Variants in UNC5C observed in about 807,000 individuals in gnomAD.
UNC5C encodes the protein unc-5 netrin receptor C, also known as netrin receptor UNC5C.
UNC5C carries 47 observed loss-of-function variants against 99.8 expected under a neutral mutation model. The ratio of observed to expected loss-of-function variants is 0.47; its 90% confidence interval spans 0.37 to 0.60. The LOEUF (loss-of-function observed/expected upper bound fraction) is 0.60. UNC5C is among the 20% of genes least tolerant of loss of function. The pLI is 0.00. For synonymous variants in UNC5C, 487 were observed against 452.2 expected (o/e 1.08, Z -0.98); for missense variants, 1,062 against 1,165.9 (o/e 0.91, Z 1.30).
At position 95,200,413 on chromosome 4, in the gene UNC5C, G is replaced by A. The variant is rs539795845; in HGVS notation, c.2136+2318C>T. ...AGGTCTTCAAGCAACTTTGCTTAGG[G>A]GCAGAGCAGCCAGGCTGCAGCCAGT... On this transcript the variant is annotated intron_variant, in intron 12 of 15. Coordinates refer to ENST00000453304, the MANE Select transcript of UNC5C (RefSeq NM_003728.4). Among the ~76,000 whole-genome samples the A allele has an allele frequency of 7.2e-5, 11 of 152,316 alleles. No homozygotes were observed. The South Asian group carries it at 2.1e-3, about 29-fold the overall frequency.
At chr4:95,306,294 C>T (rs569989148) in intron 2 of UNC5C, among the ~76,000 whole-genome samples, 1 of 152,136 alleles carries the variant, frequency 6.6e-6, no homozygotes, top group African/African-American at 2.4e-5. Flanking sequence ...GCTCTGCCTC[C>T]CGGGTTCACA....
chr4:95,375,412 A>C (rs1397823734), intron 1 of UNC5C, among the ~76,000 whole-genome samples: 1 of 152,224 alleles, frequency 6.6e-6, no homozygotes, highest in East Asian at 1.9e-4. Flanking sequence ...ATTTTAAAGG[A>C]GACCATTTTC....
At chr4:95,401,205 C>G (rs1284934535) in intron 1 of UNC5C, among the ~76,000 whole-genome samples, 1 of 152,116 alleles carries the variant, frequency 6.6e-6, no homozygotes, top group Admixed American at 6.5e-5. Flanking sequence ...ATGTGCAATA[C>G]AGGAGGCATA....
rs542963845 is a variant in UNC5C, at chr4:95,324,427, A to T, written c.346+10983T>A. Reference sequence around the variant, plus strand: ...TGGTGAGCTGTATAATCATGCCATTATATATTACAATGTAATAATAATAGA... The same window carrying T: ...TGGTGAGCTGTATAATCATGCCATTTTATATTACAATGTAATAATAATAGA... On this transcript the variant is annotated intron_variant, in intron 2 of 15. Coordinates refer to ENST00000453304, the MANE Select transcript of UNC5C (RefSeq NM_003728.4). 2.0e-5 allele frequency among the ~76,000 whole-genome samples: 3 copies of T among 152,286 alleles called. No homozygotes were observed. The South Asian group carries it at 6.2e-4, about 32-fold the overall frequency.
intron 1 of UNC5C, among the ~76,000 whole-genome samples, chr4:95,345,873 T>C (rs548278062): frequency 1.5e-3 from 235 of 152,068 alleles, no homozygotes; most frequent in Admixed American, 2.7e-3. Context: ...GAGGAAATTA[T>C]AGCTTTAAGT....
chr4:95,166,890 G>A lies in UNC5C; in HGVS notation c.*2344C>T, dbSNP rs1735877608. The stretch of plus-strand genomic sequence containing the variant: ...ATTGCTACAAACATCCACTGAACTT[G>A]TTTATAGTGCAATCTCTCCCTTCCC... On this transcript the variant is annotated 3_prime_UTR_variant, in exon 16 of 16. Coordinates refer to ENST00000453304, the MANE Select transcript of UNC5C (RefSeq NM_003728.4). 6.6e-6 allele frequency: 1 copy of A among 152,110 alleles called. No individual in the cohort carries two copies. Among genetic ancestry groups the A allele is most frequent in the African/African-American group, 2.4e-5 (1 of 41,402 alleles). The allele number at this position is 152,110 out of a possible 1,614,324, so 9.4% of individuals were successfully genotyped here.
At chr4:95,235,490 A>G (rs1200863186) in intron 7 of UNC5C, among the ~76,000 whole-genome samples, 1 of 152,168 alleles carries the variant, frequency 6.6e-6, no homozygotes, top group Non-Finnish European at 1.5e-5. Context: ...TAGTTTAATT[A>G]GATCCCATTT....
chr4:95,332,242 A>C (rs1389032325), intron 2 of UNC5C, among the ~76,000 whole-genome samples: 1 of 151,874 alleles, frequency 6.6e-6, no homozygotes, highest in East Asian at 1.9e-4. Flanking sequence ...TATTGAACCA[A>C]AAAAGAGCCC....
intron 1 of UNC5C, among the ~76,000 whole-genome samples, chr4:95,415,555 TG>T (rs1421545692): frequency 6.6e-6 from 1 of 152,156 alleles, no homozygotes; most frequent in Non-Finnish European, 1.5e-5. Flanking sequence ...GTTGTTTATG[TG>T]CCACTTTTCT....
At chr4:95,234,201 T>A (rs1466776873) in intron 7 of UNC5C, among the ~76,000 whole-genome samples, 1 of 152,100 alleles carries the variant, frequency 6.6e-6, no homozygotes, top group Admixed American at 6.6e-5. Context: ...CACATCAGTT[T>A]AGGGATGATA....
intron 2 of UNC5C, among the ~76,000 whole-genome samples, chr4:95,303,158 T>A (rs967615939): frequency 6.6e-6 from 1 of 152,058 alleles, no homozygotes; most frequent in African/African-American, 2.4e-5. Flanking sequence ...AGGGTCTAGT[T>A]TACATAGTTG....
intron 1 of UNC5C, among the ~76,000 whole-genome samples, chr4:95,449,604 C>T (rs950134976): frequency 6.6e-6 from 1 of 152,134 alleles, no homozygotes; most frequent in African/African-American, 2.4e-5. Context: ...AACATAAAGA[C>T]ATCTAAGAAA....
At chr4:95,543,645 C>T (rs1284476431) in intron 1 of UNC5C, among the ~76,000 whole-genome samples, 2 of 152,006 alleles carry the variant, frequency 1.3e-5, no homozygotes, top group African/African-American at 4.8e-5. Flanking sequence ...TCTGATTTTC[C>T]CCAAACCCTT....
At chr4:95,450,782 A>G (rs1469000748) in intron 1 of UNC5C, among the ~76,000 whole-genome samples, 1 of 152,226 alleles carries the variant, frequency 6.6e-6, no homozygotes, top group Non-Finnish European at 1.5e-5. Flanking sequence ...TTACATAGAT[A>G]TCCTTGTCAT....
chr4:95,258,164 C>A (rs1231193424), intron 4 of UNC5C, among the ~76,000 whole-genome samples: 1 of 152,098 alleles, frequency 6.6e-6, no homozygotes, highest in Admixed American at 6.5e-5. Context: ...AATACAGAAT[C>A]TTTTGTTGTG....
At chr4:95,246,629 G>A (rs985233064) in intron 5 of UNC5C, among the ~76,000 whole-genome samples, 1 of 151,580 alleles carries the variant, frequency 6.6e-6, no homozygotes, top group Non-Finnish European at 1.5e-5. Context: ...GATACATTAT[G>A]CATAATGTAT....
At chr4:95,395,013 C>T (rs1745471204) in intron 1 of UNC5C, among the ~76,000 whole-genome samples, 1 of 152,134 alleles carries the variant, frequency 6.6e-6, no homozygotes, top group Non-Finnish European at 1.5e-5. Context: ...GGCAAAGATT[C>T]AGAGTGAGCT....
At chr4:95,422,720 T>C (rs766907868) in intron 1 of UNC5C, among the ~76,000 whole-genome samples, 2 of 152,330 alleles carry the variant, frequency 1.3e-5, no homozygotes, top group East Asian at 3.9e-4. Flanking sequence ...CTACAGAGAA[T>C]GGAGTTTGCT....
At chr4:95,389,952 C>A (rs571791349) in intron 1 of UNC5C, among the ~76,000 whole-genome samples, 7 of 152,082 alleles carry the variant, frequency 4.6e-5, no homozygotes, top group Non-Finnish European at 8.8e-5. Flanking sequence ...GTATGTAGTG[C>A]CCATTATGGT....
Sources: allele counts gnomAD v4.1 joint callset (sites outside exome capture counted in the v4.1 genomes callset), GRCh38; gene constraint gnomAD v4.1.1; transcripts MANE v1.5; gene names NCBI Gene and HGNC (gene_info 2026-07-23, HGNC 2026-07-21).